CROCC: variants seen among roughly 807,000 people sequenced by gnomAD.
CROCC encodes ciliary rootlet coiled-coil, rootletin, also known as rootletin.
A neutral mutation model predicts 245.2 loss-of-function variants in CROCC; 180 were observed. The observed-to-expected ratio is 0.73, with a 90% CI of 0.65 to 0.83. The LOEUF (loss-of-function observed/expected upper bound fraction) is 0.83, where lower values mean the gene tolerates loss of function less well. CROCC is among the 40% of genes least tolerant of loss of function. The pLI is 0.00. For missense variants in CROCC, 2,688 were observed against 2,779.4 expected (o/e 0.97, Z 0.74); for synonymous variants, 1,205 against 1,241.6 (o/e 0.97, Z 0.62).
At position 16,965,747 on chromosome 1, in the gene CROCC, C is replaced by T. The variant is rs1269777609; in HGVS notation, c.4430C>T (p.Pro1477Leu). 6.2e-7 allele frequency: 1 copy of T among 1,613,626 alleles called. No individual in the cohort carries two copies. Among genetic ancestry groups the T allele is most frequent in the East Asian group, 2.2e-5 (1 of 44,886 alleles). Residue 1477 changes from proline to leucine, a missense_variant, in exon 28 of 37, where the codon CCC becomes CTC. By Grantham distance (98) the Pro-to-Leu change is moderately conservative. Transcript: ENST00000375541. ...AEGSGEGLNS[P>L]STLECSPGSQ... ...GGAAGCGGGGAAGGGCTCAACAGCC[C>T]CAGCACCTTAGAATGCAGCCCTGGG...
At position 16,968,426 on chromosome 1, in the gene CROCC, C is replaced by T. The variant is rs1477676427; in HGVS notation, c.5076+8C>T. ...GATTCCCTGCAGAGACAGGTGGGCC[C>T]CTCCCCAAATCACAGCCACAGTGTT... On this transcript the variant is annotated splice_region_variant and intron_variant, in intron 31 of 36. Transcript: ENST00000375541. The T allele has an allele frequency of 6.8e-7, 1 of 1,469,712 alleles. No homozygotes were observed. The highest frequency in any genetic ancestry group is 9.0e-7 in the Non-Finnish European group (1 of 1,110,912). The allele number at this position is 1,469,712 out of a possible 1,614,324, so 91.0% of individuals were successfully genotyped here.
chr1:16,942,460 C>A (rs2075953612), intron 13 of CROCC, among the ~76,000 whole-genome samples: 1 of 152,290 alleles, frequency 6.6e-6, no homozygotes, highest in African/African-American at 2.4e-5. Flanking sequence ...ATCTGCCCAT[C>A]CTAATTCATT....
At chr1:16,941,893 G>A (rs1486167966) in intron 13 of CROCC, among the ~76,000 whole-genome samples, 1 of 152,234 alleles carries the variant, frequency 6.6e-6, no homozygotes, top group Non-Finnish European at 1.5e-5. Context: ...TTAGAGATGG[G>A]GTCTTGCTGT....
intron 8 of CROCC, among the ~76,000 whole-genome samples, chr1:16,931,688 CAG>C (rs1386168559): frequency 1.3e-5 from 2 of 152,348 alleles, no homozygotes; most frequent in South Asian, 4.1e-4. Flanking sequence ...CATTGTGGCG[CAG>C]AGAGGTTGAG....
chr1:16,956,221 T>C, intron 25 of CROCC, 65 bp downstream of exon 25: 1 of 1,433,492 alleles, frequency 7.0e-7, no homozygotes, highest in Admixed American at 2.7e-5. Context: ...TAGCTCCCCC[T>C]TTCTGGAATT....
intron 9 of CROCC, among the ~76,000 whole-genome samples, chr1:16,937,156 C>T (rs1368563075): frequency 6.6e-6 from 1 of 152,276 alleles, no homozygotes; most frequent in Non-Finnish European, 1.5e-5. Flanking sequence ...GAGCTCAAGA[C>T]CAGCCTGTCC....
rs778009448 is a variant in CROCC, at chr1:16,968,328, G to T, written c.4986G>T (p.Glu1662Asp). The change falls in exon 31 of 37, where the codon GAG becomes GAT. Residue 1662 changes from glutamate (E) to aspartate (D), a missense_variant. By Grantham distance (45) the Glu-to-Asp change is conservative. Transcript: ENST00000375541. Reference sequence around the variant, plus strand: ...TGGAGCTGCAGCGGCGCTCGCTTGAGGGGGAGCTGCAGCGCAGCCGCCTGG... The same window carrying T: ...TGGAGCTGCAGCGGCGCTCGCTTGATGGGGAGCTGCAGCGCAGCCGCCTGG... ...VKLELQRRSL[E>D]GELQRSRLGL... 1.5e-5 allele frequency: 24 copies of T among 1,548,446 alleles called. No homozygotes were observed. In the African/African-American group the frequency reaches 1.8e-4, roughly 11 times the overall value.
chr1:16,917,166 C>T (rs1293637429), upstream of CROCC, among the ~76,000 whole-genome samples: 1 of 152,290 alleles, frequency 6.6e-6, no homozygotes, highest in Non-Finnish European at 1.5e-5. Context: ...TCAGGCACAC[C>T]TAGGTCGCGG....
chr1:16,941,744 A>G (rs560285855), intron 13 of CROCC, among the ~76,000 whole-genome samples: 148 of 152,364 alleles, frequency 9.7e-4, no homozygotes, highest in East Asian at 4.8e-3. Flanking sequence ...AAAAAAAAAA[A>G]AAAGAAAAAA....
upstream of CROCC, among the ~76,000 whole-genome samples, chr1:16,916,935 T>C (rs1332365807): frequency 6.6e-6 from 1 of 152,272 alleles, no homozygotes; most frequent in African/African-American, 2.4e-5. Context: ...CTGGCCAACA[T>C]GGTGAAACCC....
intron 31 of CROCC, 45 bp from the exon 32 acceptor site, chr1:16,969,071 G>A: frequency 6.5e-7 from 1 of 1,549,096 alleles, no homozygotes; most frequent in Non-Finnish European, 8.8e-7. Context: ...AGGTATAGAG[G>A]CCAGATGGGA....
At chr1:16,950,689 T>C (rs575530733) in intron 19 of CROCC, among the ~76,000 whole-genome samples, 21 of 152,352 alleles carry the variant, frequency 1.4e-4, no homozygotes, top group Admixed American at 5.2e-4. Flanking sequence ...ATCCGTCCCA[T>C]TTGGGAGGCC....
Position 16,969,339 on chromosome 1 carries a change from A to C in CROCC, c.5300A>C (p.Gln1767Pro). 1 of 1,609,338 alleles carries C rather than the reference A, an allele frequency of 6.2e-7. No individual in the cohort carries two copies. The highest frequency in any genetic ancestry group is 2.2e-5 in the East Asian group (1 of 44,826). The change falls in exon 32 of 37, where the codon CAG becomes CCG. Residue 1767 changes from glutamine (Q) to proline (P), a missense_variant and splice_region_variant. Transcript: ENST00000375541. Reference protein sequence around the residue: ...TACEHDRQVLQERLDAARQAL... With the variant: ...TACEHDRQVLPERLDAARQAL... ...TGTGAACATGACCGCCAAGTACTCC[A>C]GGTCTCGGGCCCAGGGTCTGGCTGG...
chr1:16,921,682 G>T (rs1217748373), upstream of CROCC, among the ~76,000 whole-genome samples: 1 of 152,266 alleles, frequency 6.6e-6, no homozygotes. Context: ...TGAAGAGTGT[G>T]TGAGGTCCTG....
intron 3 of CROCC, among the ~76,000 whole-genome samples, chr1:16,927,072 A>G (rs1204445688): frequency 2.3e-4 from 35 of 152,230 alleles, no homozygotes; most frequent in African/African-American, 7.0e-4. Context: ...ACAGATATGC[A>G]GTGTGTACAC....
chr1:16,955,964 C>T, intron 24 of CROCC, 33 bp from the exon 25 acceptor site: 3 of 1,548,364 alleles, frequency 1.9e-6, no homozygotes, highest in East Asian at 2.4e-5. Flanking sequence ...ACTCCCAGGA[C>T]CCAGGGCAGC....
In CROCC at chr1:16,966,149, C is replaced by G. The variant is rs1416636396; in HGVS notation, c.4696+30C>G. ...GTCTGATCCTCGGGGTCCCTGTTCTCTCTCCTGTGTTTTGGGCAGTTGAGG... is the reference window on the plus strand; with the variant it reads ...GTCTGATCCTCGGGGTCCCTGTTCTGTCTCCTGTGTTTTGGGCAGTTGAGG... On this transcript the variant is annotated intron_variant, in intron 29 of 36. Transcript: ENST00000375541. The surrounding 1 kb of genome is among the most constrained non-coding windows in gnomAD (Gnocchi z 4.8). The G allele has an allele frequency of 3.8e-6, 6 of 1,595,364 alleles. No homozygotes were observed. Among genetic ancestry groups the G allele is most frequent in the Middle Eastern group, 1.7e-4 (1 of 6,022 alleles).
intron 16 of CROCC, 77 bp downstream of exon 16, chr1:16,946,482 C>T: frequency 1.9e-6 from 3 of 1,546,828 alleles, no homozygotes; most frequent in Admixed American, 1.8e-5. Context: ...GGGCCCAGCC[C>T]TGTACCTGTC....
intron 8 of CROCC, among the ~76,000 whole-genome samples, chr1:16,936,241 G>C (rs530674996): frequency 1.3e-5 from 2 of 152,168 alleles, no homozygotes; most frequent in Non-Finnish European, 2.9e-5. Flanking sequence ...GTATGCCACC[G>C]CACCCAGCCT....
Sources: gnomAD v4.1 joint callset for allele counts (sites outside exome capture counted in the v4.1 genomes callset) on GRCh38, gnomAD v4.1.1 for gene constraint, Gnocchi (gnomAD v3.1) non-coding constraint, MANE v1.5 for transcripts, NCBI Gene and HGNC (gene_info 2026-07-23, HGNC 2026-07-21) for gene names.